The following RIC8B variants were observed in gnomAD, a reference collection of about 807,000 sequenced individuals.
The protein encoded by RIC8B is RIC8 guanine nucleotide exchange factor B.
RIC8B carries 16 observed loss-of-function variants against 57.5 expected under a neutral mutation model. That is an observed-to-expected ratio of 0.28 (90% confidence interval 0.19 to 0.42). The LOEUF (loss-of-function observed/expected upper bound fraction) is 0.42. RIC8B is among the 10% of genes least tolerant of loss of function. The pLI, the probability that RIC8B is intolerant of heterozygous loss-of-function variation, is 1.00. For missense variants in RIC8B, 481 were observed against 677.0 expected, an observed-to-expected ratio of 0.71 and a Z score of 3.21; for synonymous variants, 216 against 250.8, an observed-to-expected ratio of 0.86 and a Z score of 1.31.
At chr12:106,801,156 T>C (rs925220480) in intron 2 of RIC8B, among the ~76,000 whole-genome samples, 1 of 152,250 alleles carries the variant, frequency 6.6e-6, no homozygotes, top group African/African-American at 2.4e-5. Context: ...CAGAGTTGGC[T>C]GGTACTGTGT....
chr12:106,868,441 G>A (rs1950231125), intron 8 of RIC8B: 1 of 414,916 alleles, frequency 2.4e-6, no homozygotes. Context: ...TCTATAATAA[G>A]CACCTTTATT....
chr12:106,881,881 C>A (rs1818832680), intron 9 of RIC8B, among the ~76,000 whole-genome samples: 1 of 152,086 alleles, frequency 6.6e-6, no homozygotes, highest in African/African-American at 2.4e-5. Context: ...TGTAAATGAT[C>A]CTCTCCTTCT....
chr12:106,852,278 T>G (rs1566137123), intron 7 of RIC8B, among the ~76,000 whole-genome samples: 1 of 152,242 alleles, frequency 6.6e-6, no homozygotes, highest in Admixed American at 6.5e-5. Context: ...ATTATTCAGT[T>G]ATTCCTACTT....
At chr12:106,857,294 A>G (rs1052332099) in intron 7 of RIC8B, among the ~76,000 whole-genome samples, 2 of 152,196 alleles carry the variant, frequency 1.3e-5, no homozygotes, top group African/African-American at 2.4e-5. Context: ...GACTAGAAGG[A>G]AAAGGATTTT....
At chr12:106,846,889 C>G (rs1380822844) in intron 6 of RIC8B, among the ~76,000 whole-genome samples, 3 of 152,134 alleles carry the variant, frequency 2.0e-5, no homozygotes, top group Non-Finnish European at 4.4e-5. Flanking sequence ...ACTAAAGATA[C>G]AAGGCATAAT....
At chr12:106,850,526 A>G (rs143483673) in intron 6 of RIC8B, among the ~76,000 whole-genome samples, 4 of 152,160 alleles carry the variant, frequency 2.6e-5, no homozygotes, top group Non-Finnish European at 5.9e-5. Context: ...ACAAACTAAG[A>G]AAGTTTCATA....
At chr12:106,798,333 C>T (rs1323886498) in intron 2 of RIC8B, among the ~76,000 whole-genome samples, 2 of 152,016 alleles carry the variant, frequency 1.3e-5, no homozygotes, top group Non-Finnish European at 2.9e-5. Flanking sequence ...GATGTTTCCA[C>T]GTTCTCAACT....
chr12:106,850,670 AAAT>A (rs1330248973), intron 6 of RIC8B, among the ~76,000 whole-genome samples: 1 of 152,246 alleles, frequency 6.6e-6, no homozygotes, highest in East Asian at 1.9e-4. Context: ...TGAGGATTAT[AAAT>A]AATGTATATA....
At chr12:106,781,576 T>C (rs2043765031) in intron 1 of RIC8B, among the ~76,000 whole-genome samples, 1 of 152,196 alleles carries the variant, frequency 6.6e-6, no homozygotes, top group African/African-American at 2.4e-5. Flanking sequence ...CAGACCATTA[T>C]ATTTTCTAAT....
At chr12:106,810,449 A>G (rs2045287686) in intron 2 of RIC8B, among the ~76,000 whole-genome samples, 1 of 152,210 alleles carries the variant, frequency 6.6e-6, no homozygotes, top group Non-Finnish European at 1.5e-5. Flanking sequence ...AAACTCATAA[A>G]AAGAAAACTG....
At chr12:106,830,853 G>A (rs985295717) in intron 4 of RIC8B, among the ~76,000 whole-genome samples, 2 of 152,014 alleles carry the variant, frequency 1.3e-5, no homozygotes, top group Admixed American at 6.6e-5. Flanking sequence ...ATAACAATTC[G>A]AGACAGGGAT....
At chr12:106,833,080 T>G (rs2046426355) in intron 4 of RIC8B, among the ~76,000 whole-genome samples, 1 of 152,198 alleles carries the variant, frequency 6.6e-6, no homozygotes, top group Non-Finnish European at 1.5e-5. Context: ...CACAGCTAAG[T>G]TTTTTGACAG....
chr12:106,806,167 G>A (rs1294843356), intron 2 of RIC8B, among the ~76,000 whole-genome samples: 1 of 152,086 alleles, frequency 6.6e-6, no homozygotes, highest in Admixed American at 6.5e-5. Context: ...GGCTGGCCTC[G>A]AACTCCCGAC....
chr12:106,775,419 T>C (rs1046609970), intron 1 of RIC8B: 5 of 454,398 alleles, frequency 1.1e-5, no homozygotes, highest in Admixed American at 7.1e-5. Context: ...CATGGACATA[T>C]AATGTTGTAA....
At chr12:106,850,044 C>T (rs1019202683) in intron 6 of RIC8B, among the ~76,000 whole-genome samples, 2 of 152,226 alleles carry the variant, frequency 1.3e-5, no homozygotes, top group Non-Finnish European at 2.9e-5. Flanking sequence ...CTGAGCGCCG[C>T]CTACTGTCGT....
intron 6 of RIC8B, among the ~76,000 whole-genome samples, chr12:106,845,460 AC>A (rs1481789362): frequency 6.6e-6 from 1 of 152,108 alleles, no homozygotes; most frequent in Non-Finnish European, 1.5e-5. Flanking sequence ...CTGCATCTAT[AC>A]TGCCATATCC....
In RIC8B at chr12:106,888,492, C is replaced by T. The variant is rs949144081; in HGVS notation, c.*2477C>T. The T allele has an allele frequency of 6.5e-6, 1 of 152,826 alleles. No individual in the cohort carries two copies. Among genetic ancestry groups the T allele is most frequent in the Non-Finnish European group, 1.5e-5 (1 of 68,176 alleles). 9.5% of individuals were successfully genotyped at this position (152,826 alleles called of 1,614,324 possible). ...GAAGAGTCCAACTCTGGTGGCCTGA[C>T]TCCCAGCACCACTCCTTCCTTTTCC... On this transcript the variant is annotated 3_prime_UTR_variant, in exon 10 of 10. Coordinates refer to ENST00000392837, the MANE Select transcript of RIC8B (RefSeq NM_001330145.2).
At chr12:106,868,204 C>T in intron 8 of RIC8B, 2 of 441,832 alleles carry the variant, frequency 4.5e-6, no homozygotes, top group Non-Finnish European at 9.1e-6. Flanking sequence ...ACCAGTGTGT[C>T]CTCCTGATTT....
At chr12:106,815,472 AT>A (rs1254943793) in intron 3 of RIC8B, among the ~76,000 whole-genome samples, 168 bp downstream of exon 3, 2 of 152,358 alleles carry the variant, frequency 1.3e-5, no homozygotes, top group Non-Finnish European at 2.9e-5. Flanking sequence ...TGTAAGTCTT[AT>A]TCTTTCCATT....
Sources: allele counts gnomAD v4.1 joint callset (sites outside exome capture counted in the v4.1 genomes callset), GRCh38; gene constraint gnomAD v4.1.1; transcripts MANE v1.5; gene names NCBI Gene and HGNC (gene_info 2026-07-23, HGNC 2026-07-21).